The following CSMD1 variants were observed in gnomAD, a reference collection of about 807,000 sequenced individuals.
CSMD1 encodes the protein CUB and Sushi multiple domains 1.
In CSMD1, 213 loss-of-function variants were observed where a neutral mutation model predicts 417.5. That is an observed-to-expected ratio of 0.51 (90% CI 0.46 to 0.57). The LOEUF (loss-of-function observed/expected upper bound fraction) is 0.57, where lower values mean the gene tolerates loss of function less well. Among genes scored for constraint, CSMD1 ranks in the 20% least tolerant of loss-of-function variants. The probability of loss-of-function intolerance (pLI) is 0.00; values close to 1 mark genes in which losing one functional copy is unlikely to be tolerated. For synonymous variants in CSMD1, 2,862 were observed against 1,736.8 expected, an observed-to-expected ratio of 1.65 and a Z score of -16.11; for missense variants, 6,923 against 4,529.7, an observed-to-expected ratio of 1.53 and a Z score of -15.17.
intron 21 of CSMD1, among the ~76,000 whole-genome samples, chr8:3,356,184 C>T (rs955157845): frequency 6.6e-6 from 1 of 152,254 alleles, no homozygotes; most frequent in South Asian, 2.1e-4. Flanking sequence ...ATGGATTTGC[C>T]TCTTTTTTGC....
chr8:3,296,826 G>A (rs1436533640), intron 25 of CSMD1, among the ~76,000 whole-genome samples: 1 of 152,172 alleles, frequency 6.6e-6, no homozygotes, highest in Non-Finnish European at 1.5e-5. Context: ...ATGGGATGGG[G>A]AAAATCAGAG....
chr8:3,551,003 T>G (rs1464729196), intron 10 of CSMD1, among the ~76,000 whole-genome samples: 1 of 152,146 alleles, frequency 6.6e-6, no homozygotes, highest in African/African-American at 2.4e-5. Flanking sequence ...CTCAAAACTC[T>G]CCAGCAATGC....
intron 3 of CSMD1, among the ~76,000 whole-genome samples, chr8:4,095,713 G>A (rs1461182550): frequency 5.3e-5 from 8 of 152,162 alleles, no homozygotes; most frequent in South Asian, 2.1e-4. Context: ...AGGTGCATCC[G>A]TACTTCAATT....
intron 5 of CSMD1, among the ~76,000 whole-genome samples, chr8:3,790,031 G>A (rs56225787): frequency 0.053 from 8,121 of 152,156 alleles, 285 homozygotes; most frequent in Middle Eastern, 0.092. Context: ...ATGCCCGGCC[G>A]ATCATGGTTA....
At chr8:3,736,016 A>C (rs2129048951) in intron 6 of CSMD1, among the ~76,000 whole-genome samples, 2 of 152,298 alleles carry the variant, frequency 1.3e-5, no homozygotes. Flanking sequence ...TGGATTAAAA[A>C]AAATAGAGGG....
chr8:3,910,483 T>G (rs1808392187), intron 5 of CSMD1, among the ~76,000 whole-genome samples: 1 of 152,194 alleles, frequency 6.6e-6, no homozygotes, highest in Admixed American at 6.5e-5. Context: ...CTTTATATTT[T>G]GAAAGTGAAC....
intron 1 of CSMD1, among the ~76,000 whole-genome samples, chr8:4,852,841 T>C (rs540008191): frequency 6.6e-6 from 1 of 152,296 alleles, no homozygotes; most frequent in African/African-American, 2.4e-5. Flanking sequence ...AGGTCACCTA[T>C]GTTAGGCCCT....
intron 68 of CSMD1, among the ~76,000 whole-genome samples, chr8:2,947,299 T>G (rs984049918): frequency 1.3e-5 from 2 of 152,168 alleles, no homozygotes; most frequent in African/African-American, 4.8e-5. Context: ...GACAATCACG[T>G]TTTTTGGTTT....
At chr8:3,051,415 A>G (rs576213797) in intron 50 of CSMD1, among the ~76,000 whole-genome samples, 1 of 152,298 alleles carries the variant, frequency 6.6e-6, no homozygotes, top group African/African-American at 2.4e-5. Flanking sequence ...GACATAAAGA[A>G]GGCAGCAACA....
chr8:3,103,770 T>A (rs1261469431), intron 46 of CSMD1, among the ~76,000 whole-genome samples: 2 of 151,462 alleles, frequency 1.3e-5, no homozygotes, highest in Non-Finnish European at 2.9e-5. Context: ...AATGATGTAG[T>A]TTTGCTCTTG....
chr8:4,895,942 C>T (rs868476245), intron 1 of CSMD1, among the ~76,000 whole-genome samples: 5 of 152,060 alleles, frequency 3.3e-5, no homozygotes, highest in African/African-American at 1.2e-4. Context: ...TTTTTGACAT[C>T]ATCCCTCCAT....
At chr8:4,296,961 C>G (rs1358417041) in intron 3 of CSMD1, among the ~76,000 whole-genome samples, 1 of 151,938 alleles carries the variant, frequency 6.6e-6, no homozygotes, top group African/African-American at 2.4e-5. Flanking sequence ...ATATAAAAAC[C>G]TGTAAGTCAG....
intron 1 of CSMD1, among the ~76,000 whole-genome samples, chr8:4,844,745 A>G (rs1240073831): frequency 3.9e-5 from 6 of 152,250 alleles, no homozygotes; most frequent in African/African-American, 1.4e-4. Context: ...TTTCAAAACC[A>G]TCTCAGTGAT....
At chr8:2,976,859 G>A (rs1268200549) in intron 55 of CSMD1, among the ~76,000 whole-genome samples, 1 of 151,180 alleles carries the variant, frequency 6.6e-6, no homozygotes, top group East Asian at 1.9e-4. Context: ...TTGGCTATTT[G>A]GGTAAAATGA....
chr8:3,125,551 C>T (rs1459067128), intron 41 of CSMD1, among the ~76,000 whole-genome samples: 3 of 152,206 alleles, frequency 2.0e-5, no homozygotes, highest in Non-Finnish European at 4.4e-5. Flanking sequence ...GTAAAAGCCA[C>T]GATTATCAAA....
intron 1 of CSMD1, among the ~76,000 whole-genome samples, chr8:4,746,752 T>C (rs543327289): frequency 6.6e-6 from 1 of 152,086 alleles, no homozygotes; most frequent in South Asian, 2.1e-4. Flanking sequence ...CGGTAGAACC[T>C]TCACTACAGC....
chr8:3,837,542 C>A (rs901024631), intron 5 of CSMD1, among the ~76,000 whole-genome samples: 2 of 152,008 alleles, frequency 1.3e-5, no homozygotes, highest in Admixed American at 1.3e-4. Flanking sequence ...CAACACAGCC[C>A]CCAAGATAAC....
intron 1 of CSMD1, among the ~76,000 whole-genome samples, chr8:4,774,867 C>T (rs1045616188): frequency 6.6e-6 from 1 of 152,162 alleles, no homozygotes; most frequent in Non-Finnish European, 1.5e-5. Context: ...TGTTTACCTT[C>T]CGCCATGACT....
At chr8:3,643,988 G>A (rs1475160683) in intron 7 of CSMD1, among the ~76,000 whole-genome samples, 1 of 152,172 alleles carries the variant, frequency 6.6e-6, no homozygotes, top group Non-Finnish European at 1.5e-5. Flanking sequence ...AGAACACGGT[G>A]AATTCATCGC....
Sources: gnomAD v4.1 joint callset for allele counts (sites outside exome capture counted in the v4.1 genomes callset) on GRCh38, gnomAD v4.1.1 for gene constraint, MANE v1.5 for transcripts, NCBI Gene and HGNC (gene_info 2026-07-23, HGNC 2026-07-21) for gene names.